CNTNAP5: variants seen among roughly 807,000 people sequenced by gnomAD.
The protein encoded by CNTNAP5 is contactin-associated protein-like 5.
A neutral mutation model predicts 150.2 loss-of-function variants in CNTNAP5; 72 were observed. The observed-to-expected ratio is 0.48, with a 90% confidence interval of 0.40 to 0.58. The LOEUF is 0.58. Ranked by LOEUF, CNTNAP5 falls within the 20% of genes least tolerant of loss-of-function variation. The pLI, the probability that CNTNAP5 is intolerant of heterozygous loss-of-function variation, is 0.00. For missense variants in CNTNAP5, 1,636 were observed against 1,626.2 expected, an observed-to-expected ratio of 1.01 and a Z score of -0.10; for synonymous variants, 672 against 619.8, an observed-to-expected ratio of 1.08 and a Z score of -1.25.
chr2:124,450,415 C>G (rs376288692), intron 6 of CNTNAP5, among the ~76,000 whole-genome samples: 4 of 151,808 alleles, frequency 2.6e-5, no homozygotes, highest in East Asian at 3.9e-4. Flanking sequence ...TCTTAGACTA[C>G]CTTAGGGGAT....
intron 2 of CNTNAP5, 82 bp downstream of exon 2, chr2:124,221,891 A>T (rs1042609238): frequency 8.1e-6 from 7 of 859,164 alleles, no homozygotes; most frequent in African/African-American, 3.3e-5. Flanking sequence ...GCACTCTCAG[A>T]CACTGAAATC....
At chr2:124,078,205 AAT>A (rs1682481092) in intron 1 of CNTNAP5, among the ~76,000 whole-genome samples, 1 of 152,214 alleles carries the variant, frequency 6.6e-6, no homozygotes, top group Admixed American at 6.5e-5. Flanking sequence ...CCATGAAGAT[AAT>A]ATGTTTACAA....
Position 124,474,811 on chromosome 2 carries a change from G to A in CNTNAP5, c.991G>A (p.Glu331Lys), listed in dbSNP as rs757108906. The change falls in exon 7 of 24, where the codon GAA becomes AAA. Residue 331 changes from glutamate to lysine, a missense_variant. Physicochemically the swap from Glu to Lys is moderately conservative, Grantham distance 56 (BLOSUM62 1). Transcript: ENST00000682447. ...AAAGAAAAACTTCCATGGATGCATC[G>A]AAAACCTTTACTACAATGGAGTAAA... Reference protein sequence around the residue: ...FLKKNFHGCIENLYYNGVNII... With the variant: ...FLKKNFHGCIKNLYYNGVNII... The A allele has an allele frequency of 1.5e-5, 24 of 1,606,608 alleles. No homozygotes were observed. Among genetic ancestry groups the A allele is most frequent in the African/African-American group, 5.4e-5 (4 of 74,346 alleles).
At chr2:124,071,932 A>G (rs1682315467) in intron 1 of CNTNAP5, among the ~76,000 whole-genome samples, 1 of 152,030 alleles carries the variant, frequency 6.6e-6, no homozygotes, top group African/African-American at 2.4e-5. Flanking sequence ...ACATCAAAAA[A>G]GAAAACTACA....
chr2:124,528,498 A>G (rs1367751913), intron 10 of CNTNAP5, among the ~76,000 whole-genome samples: 4 of 152,196 alleles, frequency 2.6e-5, no homozygotes, highest in African/African-American at 9.7e-5. Flanking sequence ...ATCAATTCAA[A>G]ATACTTTTTT....
chr2:124,155,460 G>C (rs145839259), intron 1 of CNTNAP5, among the ~76,000 whole-genome samples: 2 of 151,912 alleles, frequency 1.3e-5, no homozygotes, highest in Non-Finnish European at 2.9e-5. Context: ...GTGTGTGCGC[G>C]CGTGTGTGGT....
chr2:124,228,042 G>A (rs989554721), intron 2 of CNTNAP5, among the ~76,000 whole-genome samples: 1 of 152,078 alleles, frequency 6.6e-6, no homozygotes, highest in African/African-American at 2.4e-5. Flanking sequence ...GTAAGCTGGA[G>A]AAGAGGGAGG....
At chr2:124,119,927 G>A (rs1201863562) in intron 1 of CNTNAP5, among the ~76,000 whole-genome samples, 1 of 152,140 alleles carries the variant, frequency 6.6e-6, no homozygotes, top group African/African-American at 2.4e-5. Context: ...GTAAAGCAGT[G>A]GTTCTCAAAC....
intron 19 of CNTNAP5, among the ~76,000 whole-genome samples, chr2:124,811,815 A>C (rs1409879740): frequency 6.7e-6 from 1 of 148,494 alleles, no homozygotes; most frequent in Non-Finnish European, 1.5e-5. Flanking sequence ...GGTGTCAGGC[A>C]CCTGTAATCC....
intron 13 of CNTNAP5, among the ~76,000 whole-genome samples, chr2:124,726,635 C>T (rs1259840553): frequency 6.8e-6 from 1 of 146,310 alleles, no homozygotes; most frequent in Non-Finnish European, 1.5e-5. Flanking sequence ...ATTTGTACGT[C>T]TTCTTCAAAA....
intron 13 of CNTNAP5, among the ~76,000 whole-genome samples, chr2:124,655,945 GAGAA>G (rs766640499): frequency 0.017 from 940 of 55,474 alleles, 11 homozygotes; most frequent in South Asian, 0.054. Context: ...GAGAGAGAGA[GAGAA>G]AGAAAGAAAG....
chr2:124,310,022 G>T (rs533393090), intron 3 of CNTNAP5, among the ~76,000 whole-genome samples: 2 of 151,574 alleles, frequency 1.3e-5, no homozygotes, highest in African/African-American at 4.9e-5. Context: ...TCTGCTCTGG[G>T]CAATTTTCAT....
At chr2:124,621,757 T>C (rs55833627) in intron 12 of CNTNAP5, among the ~76,000 whole-genome samples, 2,120 of 152,232 alleles carry the variant, frequency 0.014, 49 homozygotes, top group African/African-American at 0.048. Context: ...ATGAGAATGA[T>C]CCATGACATA....
At chr2:124,624,870 C>T (rs891347399) in intron 12 of CNTNAP5, among the ~76,000 whole-genome samples, 4 of 152,190 alleles carry the variant, frequency 2.6e-5, no homozygotes, top group South Asian at 2.1e-4. Flanking sequence ...ATTTATCCAG[C>T]AGCTGCTGGT....
At chr2:124,791,693 CTTTTT>C (rs538796535) in intron 18 of CNTNAP5, among the ~76,000 whole-genome samples, 108 of 115,370 alleles carry the variant, frequency 9.4e-4, no homozygotes, top group Middle Eastern at 4.7e-3. Context: ...AGCCTAATTT[CTTTTT>C]TTTTTTTTTT....
At chr2:124,520,781 A>G (rs1407678579) in intron 8 of CNTNAP5, among the ~76,000 whole-genome samples, 1 of 152,070 alleles carries the variant, frequency 6.6e-6, no homozygotes, top group Non-Finnish European at 1.5e-5. Flanking sequence ...TGTTCTCCTC[A>G]TTGGACACGT....
Position 124,293,440 on chromosome 2 carries a change from C to G in CNTNAP5, c.381+51047C>G, listed in dbSNP as rs59139301. Among the ~76,000 whole-genome samples the G allele has an allele frequency of 4.0e-3, 615 of 151,908 alleles. 4 individuals carry two copies. Among genetic ancestry groups the G allele is most frequent in the African/African-American group, 0.014 (574 of 41,468 alleles). ...TGCATAATTTAATTCTATGCATAAT[C>G]CAATGTAGTTAATAACAATCCAATG... is the stretch of plus-strand genomic sequence containing the variant. On this transcript the variant is annotated intron_variant, in intron 3 of 23. Transcript: ENST00000682447.
intron 12 of CNTNAP5, among the ~76,000 whole-genome samples, chr2:124,629,782 T>C (rs1459267088): frequency 1.3e-5 from 2 of 149,276 alleles, no homozygotes; most frequent in African/African-American, 2.4e-5. Context: ...TGTTTTTTTT[T>C]TTTTTTGAAA....
At chr2:124,622,344 C>G (rs1366759785) in intron 12 of CNTNAP5, among the ~76,000 whole-genome samples, 5 of 152,084 alleles carry the variant, frequency 3.3e-5, no homozygotes, top group Non-Finnish European at 7.3e-5. Flanking sequence ...TGCATATGAA[C>G]TATATTTTCT....
Sources: gnomAD v4.1 joint callset for allele counts (sites outside exome capture counted in the v4.1 genomes callset) on GRCh38, gnomAD v4.1.1 for gene constraint, MANE v1.5 for transcripts, NCBI Gene and HGNC (gene_info 2026-07-23, HGNC 2026-07-21) for gene names.